Variants in ALDOB observed in about 807,000 individuals in gnomAD.
The protein encoded by ALDOB is fructose-bisphosphate aldolase B.
ALDOB carries 39 observed loss-of-function variants against 41.0 expected under a neutral mutation model. That is an observed-to-expected ratio of 0.95 (90% CI 0.74 to 1.24). ALDOB has a LOEUF of 1.24. Ranked by LOEUF, ALDOB falls within the 50% of genes most tolerant of loss-of-function variation. The pLI is 0.00. For missense variants in ALDOB, 530 were observed against 457.3 expected (o/e 1.16, Z -1.45); for synonymous variants, 175 against 168.8 (o/e 1.04, Z -0.28).
chr9:101,430,073 CT>C, intron 2 of ALDOB, 107 bp from the exon 3 acceptor site: 1 of 1,035,050 alleles, frequency 9.7e-7, no homozygotes, highest in South Asian at 1.3e-5. Context: ...GCAAGACTTT[CT>C]TTTTTCAGAT....
At chr9:101,426,076 A>G (rs1461219709) in intron 6 of ALDOB, among the ~76,000 whole-genome samples, 1 of 152,174 alleles carries the variant, frequency 6.6e-6, no homozygotes, top group African/African-American at 2.4e-5. Context: ...TTCAGTCCAC[A>G]TAATTTTCCA....
intron 7 of ALDOB, 48 bp from the exon 8 acceptor site, chr9:101,425,090 C>T (rs1264211417): frequency 6.3e-7 from 1 of 1,595,340 alleles, no homozygotes; most frequent in African/African-American, 1.3e-5. Context: ...CCTTATATAC[C>T]CTGCTTGAGA....
At chr9:101,425,210 A>G (rs1047589626) in intron 7 of ALDOB, among the ~76,000 whole-genome samples, 168 bp from the exon 8 acceptor site, 44 of 152,224 alleles carry the variant, frequency 2.9e-4, no homozygotes, top group African/African-American at 1.0e-3. Context: ...TAGTTGGGCT[A>G]GAGATAAGTG....
chr9:101,429,967 C>T lies in ALDOB; in HGVS notation c.113-1G>A, dbSNP rs748663340. The stretch of plus-strand genomic sequence containing the variant: ...CTCTGCAGGCGGTTCCCCATGGTAC[C>T]TATGGTGGGAGGGCCAAGGGCAGCA... On this transcript the variant is annotated splice_acceptor_variant, in intron 2 of 8. Coordinates refer to ENST00000647789, the MANE Select transcript of ALDOB (RefSeq NM_000035.4). LOFTEE classifies it high-confidence loss of function. 2 of 1,613,840 alleles carry T rather than the reference C, an allele frequency of 1.2e-6. No homozygotes were observed. Among genetic ancestry groups the T allele is most frequent in the Non-Finnish European group, 1.7e-6 (2 of 1,179,964 alleles).
chr9:101,429,472 T>G (rs1403476452), intron 3 of ALDOB, among the ~76,000 whole-genome samples: 1 of 152,178 alleles, frequency 6.6e-6, no homozygotes, highest in Non-Finnish European at 1.5e-5. Context: ...AAACTTTTAG[T>G]CATTTCATCC....
At position 101,427,578 on chromosome 9, in the gene ALDOB, C is replaced by G. The variant is rs1057516902; in HGVS notation, c.444G>C (p.Trp148Cys). 6.2e-7 allele frequency: 1 copy of G among 1,614,150 alleles called. No homozygotes were observed. Among genetic ancestry groups the G allele is most frequent in the Admixed American group, 1.7e-5 (1 of 60,020 alleles). The change falls in exon 5 of 9, where the codon TGG (tryptophan) becomes TGC (cysteine). Residue 148 changes from tryptophan (W) to cysteine (C), a missense_variant. By Grantham distance (215) the Trp-to-Cys change is radical. Transcript: ENST00000647789. ...YKKDGVDFGKWRAVLRIADQC... is the reference protein window; with the variant it reads ...YKKDGVDFGKCRAVLRIADQC... ...GGTCGGCAATCCTCAGCACAGCACG[C>G]CACTTCCCAAAGTCAACACCATCTT...
At chr9:101,429,581 A>C (rs1027811790) in intron 3 of ALDOB, among the ~76,000 whole-genome samples, 174 bp downstream of exon 3, 2 of 152,192 alleles carry the variant, frequency 1.3e-5, no homozygotes, top group Non-Finnish European at 2.9e-5. Context: ...AGAAGAGGGC[A>C]CTGGAGGAAA....
At chr9:101,425,387 G>T in intron 7 of ALDOB, 66 bp downstream of exon 7, 2 of 1,578,360 alleles carry the variant, frequency 1.3e-6, no homozygotes, top group Non-Finnish European at 1.7e-6. Context: ...TGGACAAACA[G>T]AAAGCTTGTG....
At position 101,430,870 on chromosome 9, in the gene ALDOB, T is replaced by A. The variant is rs1344537476; in HGVS notation, c.18A>T (p.Pro6=). 20 of 1,614,018 alleles carry A rather than the reference T, an allele frequency of 1.2e-5. No homozygotes were observed. Among genetic ancestry groups the A allele is most frequent in the Non-Finnish European group, 1.7e-5 (20 of 1,179,886 alleles). MAHRF[P]ALTQEQKKEL... ...CCTTCTTCTGCTCCTGGGTGAGGGC[T>A]GGAAATCGGTGGGCCATGGTGACAG... The change falls in exon 2 of 9, where the codon CCA becomes CCT. Residue 6 remains proline, a synonymous_variant. Transcript: ENST00000647789.
chr9:101,424,869 G>C lies in ALDOB; in HGVS notation c.973C>G (p.Gln325Glu). ...ATGGCCCGCTTCATAAAAGCCTCCTGGGTTGCCTCCTTGTTTGCAGCCTTG... is the reference window on the plus strand; with the variant it reads ...ATGGCCCGCTTCATAAAAGCCTCCTCGGTTGCCTCCTTGTTTGCAGCCTTG... ...GGKAANKEAT[Q>E]EAFMKRAMAN... is the part of the protein sequence containing the mutation. Residue 325 changes from glutamine to glutamate, a missense_variant, in exon 8 of 9, where the codon CAG becomes GAG. Physicochemically the swap from Gln to Glu is conservative, Grantham distance 29 (BLOSUM62 2). Coordinates refer to ENST00000647789, the MANE Select transcript of ALDOB (RefSeq NM_000035.4). The C allele has an allele frequency of 6.2e-7, 1 of 1,613,454 alleles. No individual in the cohort carries two copies. The highest frequency in any genetic ancestry group is 8.5e-7 in the Non-Finnish European group (1 of 1,180,002).
intron 2 of ALDOB, 147 bp from the exon 3 acceptor site, chr9:101,430,113 G>T: frequency 1.3e-6 from 1 of 789,796 alleles, no homozygotes. Flanking sequence ...AATTTTTTGT[G>T]TTCCAGGGAG....
In ALDOB at chr9:101,429,776, CT is replaced by C. The variant is rs974582114; in HGVS notation, c.302del (p.Lys101ArgfsTer9). 8.7e-6 allele frequency: 14 copies of C among 1,614,018 alleles called. No homozygotes were observed. Among genetic ancestry groups the C allele is most frequent in the Non-Finnish European group, 1.2e-5 (14 of 1,180,036 alleles). The stretch of plus-strand genomic sequence containing the variant: ...TCACCTTGATTCCCACCACGATCCC[CT>C]TTTCCTTGAGGATGTTTCTGAACAG... ...GKLFRNILKE[K>X]GIVVGIKLDQ... On this transcript the variant is annotated frameshift_variant, in exon 3 of 9. Coordinates refer to ENST00000647789, the MANE Select transcript of ALDOB (RefSeq NM_000035.4). LOFTEE classifies it high-confidence loss of function.
At chr9:101,430,710 G>C (rs992942755) in intron 2 of ALDOB, 66 bp downstream of exon 2, 28 of 1,193,270 alleles carry the variant, frequency 2.3e-5, no homozygotes, top group Non-Finnish European at 3.5e-5. Context: ...TGATTATCAA[G>C]TTGTTTTTGC....
In ALDOB at chr9:101,426,647, GA is replaced by G; in HGVS notation, c.541-10del. 1 of 1,566,030 alleles carries G rather than the reference GA, an allele frequency of 6.4e-7. No homozygotes were observed. The highest frequency in any genetic ancestry group is 8.8e-7 in the Non-Finnish European group (1 of 1,136,154). On this transcript the variant is annotated splice_polypyrimidine_tract_variant and intron_variant, in intron 5 of 8. Coordinates refer to ENST00000647789, the MANE Select transcript of ALDOB (RefSeq NM_000035.4). The stretch of plus-strand genomic sequence containing the variant: ...ATAGGTACCAGTCCATTCTAAAAAG[GA>G]AAATCAAGGAAGCAAAAGTGAAGCT...
At chr9:101,430,754 T>G in intron 2 of ALDOB, 22 bp downstream of exon 2, 1 of 1,537,148 alleles carries the variant, frequency 6.5e-7, no homozygotes, top group Non-Finnish European at 9.0e-7. Context: ...TGTTATATGA[T>G]GAGACTGCTT....
At chr9:101,434,356 C>G (rs779808770) in intron 1 of ALDOB, among the ~76,000 whole-genome samples, 10 of 152,164 alleles carry the variant, frequency 6.6e-5, no homozygotes, top group African/African-American at 9.7e-5. Flanking sequence ...AATCCTTCAG[C>G]AAAATAGCAG....
rs1167451490 is a variant in ALDOB, at chr9:101,420,943, A to G, written c.*866T>C. 6.6e-6 allele frequency: 1 copy of G among 152,246 alleles called. No homozygotes were observed. The highest frequency in any genetic ancestry group is 1.5e-5 in the Non-Finnish European group (1 of 68,062). 9.4% of individuals were successfully genotyped at this position (152,246 alleles called of 1,614,324 possible). ...GATGACAAGGTAGTCCTGTTTCACCAAACCTGGGCCACTTGAACAAGAATG... is the reference window on the plus strand; with the variant it reads ...GATGACAAGGTAGTCCTGTTTCACCGAACCTGGGCCACTTGAACAAGAATG... On this transcript the variant is annotated 3_prime_UTR_variant, in exon 9 of 9. Coordinates refer to ENST00000647789, the MANE Select transcript of ALDOB (RefSeq NM_000035.4).
Position 101,421,381 on chromosome 9 carries a change from G to C in ALDOB, c.*428C>G. The C allele has an allele frequency of 3.3e-6, 1 of 299,890 alleles. No individual in the cohort carries two copies. Among genetic ancestry groups the C allele is most frequent in the Non-Finnish European group, 6.5e-6 (1 of 153,186 alleles). The allele number at this position is 299,890 out of a possible 1,614,324, so 18.6% of individuals were successfully genotyped here. ...AAGTGAAACCCGATAGCAGCTGAAG[G>C]TTTATAGAATATTTATTTCTTTTTT... On this transcript the variant is annotated 3_prime_UTR_variant, in exon 9 of 9. Coordinates refer to ENST00000647789, the MANE Select transcript of ALDOB (RefSeq NM_000035.4).
chr9:101,435,023 C>G (rs1831271590), intron 1 of ALDOB, among the ~76,000 whole-genome samples: 1 of 152,194 alleles, frequency 6.6e-6, no homozygotes, highest in African/African-American at 2.4e-5. Flanking sequence ...AATACACAAC[C>G]TTTTGATTCC....
Sources: gnomAD v4.1 joint callset for allele counts (sites outside exome capture counted in the v4.1 genomes callset) on GRCh38, gnomAD v4.1.1 for gene constraint, MANE v1.5 for transcripts, NCBI Gene and HGNC (gene_info 2026-07-23, HGNC 2026-07-21) for gene names.